Variants in TBXAS1 observed in about 807,000 individuals in gnomAD.
The protein encoded by TBXAS1 is thromboxane-A synthase.
In TBXAS1, 48 loss-of-function variants were observed where a neutral mutation model predicts 60.7. The ratio of observed to expected loss-of-function variants is 0.79; its 90% CI spans 0.63 to 1.01. The LOEUF is 1.01. TBXAS1 is among the 50% of genes least tolerant of loss of function. The pLI, the probability that TBXAS1 is intolerant of heterozygous loss-of-function variation, is 0.00. For missense variants in TBXAS1, 685 were observed against 686.3 expected, an observed-to-expected ratio of 1.00 and a Z score of 0.02; for synonymous variants, 287 against 269.7, an observed-to-expected ratio of 1.06 and a Z score of -0.63.
At chr7:139,984,636 G>GAAAGAAAGAAAGAAACAAAGAAAGAA (rs1554503288) in intron 9 of TBXAS1, among the ~76,000 whole-genome samples, 1 of 70,912 alleles carries the variant, frequency 1.4e-5, no homozygotes, top group African/African-American at 5.4e-5. Context: ...GAGAGAGAGA[G>GAAAGAAAGAAAGAAACAAAGAAAGAA]AGAGAGAAAG....
intron 3 of TBXAS1, among the ~76,000 whole-genome samples, chr7:139,889,812 A>G (rs966828190): frequency 3.9e-5 from 6 of 152,190 alleles, no homozygotes; most frequent in African/African-American, 1.4e-4. Context: ...CCACCTTCTA[A>G]TACTGTCATC....
chr7:139,922,454 C>A (rs528965672), intron 4 of TBXAS1, among the ~76,000 whole-genome samples: 1 of 152,040 alleles, frequency 6.6e-6, no homozygotes. Flanking sequence ...TTTTTAACAA[C>A]GTGCCTGTTG....
intron 4 of TBXAS1, among the ~76,000 whole-genome samples, chr7:139,818,688 G>A (rs1259424501): frequency 6.6e-6 from 1 of 152,188 alleles, no homozygotes; most frequent in Non-Finnish European, 1.5e-5. Flanking sequence ...CAGACAGAGT[G>A]AATATTTCTG....
rs902725594 is a variant in TBXAS1 at position 140,013,084 on chromosome 7, C to T, written c.1227-2639C>T. Among the ~76,000 whole-genome samples the T allele has an allele frequency of 1.7e-5, 2 of 114,574 alleles. No individual in the cohort carries two copies. Among genetic ancestry groups the T allele is most frequent in the Non-Finnish European group, 4.0e-5 (2 of 50,428 alleles). 75.2% of individuals were successfully genotyped at this position (114,574 alleles called of 152,430 possible). ...TGGGCAACAGAGCGAGACTCCATCT[C>T]AAAAAAAAAAAAAAAAAGAAATTGG... On this transcript the variant is annotated intron_variant, in intron 10 of 12. Coordinates refer to ENST00000448866, the MANE Select transcript of TBXAS1 (RefSeq NM_001061.7). The surrounding 1 kb of genome is among the most constrained non-coding windows in gnomAD (Gnocchi z 4.2).
At chr7:139,992,702 G>C (rs1039401675) in intron 9 of TBXAS1, among the ~76,000 whole-genome samples, 2 of 152,246 alleles carry the variant, frequency 1.3e-5, no homozygotes, top group African/African-American at 2.4e-5. Flanking sequence ...TCCCTGCAAA[G>C]GGAGCTGCCC....
At chr7:139,955,862 A>C (rs1049281837) in intron 7 of TBXAS1, among the ~76,000 whole-genome samples, 1 of 152,198 alleles carries the variant, frequency 6.6e-6, no homozygotes, top group Admixed American at 6.5e-5. Flanking sequence ...GTTGGGACGC[A>C]CCGTGTTAGG....
intron 4 of TBXAS1, among the ~76,000 whole-genome samples, chr7:139,930,540 G>A (rs1467733313): frequency 6.6e-6 from 1 of 152,208 alleles, no homozygotes; most frequent in East Asian, 1.9e-4. Flanking sequence ...TGACTCTAGA[G>A]GCAATGTTCT....
chr7:139,957,707 T>C lies in TBXAS1; in HGVS notation c.762T>C (p.Phe254=). Residue 254 remains phenylalanine (F), a synonymous_variant, in exon 8 of 13, where the codon TTT becomes TTC. Transcript: ENST00000448866. ...AGAACCGAGACGAACTGAATGGCTTTTTTAACAAACTCATTAGGAATGTGA... is the reference window on the plus strand; with the variant it reads ...AGAACCGAGACGAACTGAATGGCTTCTTTAACAAACTCATTAGGAATGTGA... ...PNKNRDELNG[F]FNKLIRNVIA... 1 of 1,614,178 alleles carries C rather than the reference T, an allele frequency of 6.2e-7. No individual in the cohort carries two copies. The highest frequency in any genetic ancestry group is 2.2e-5 in the East Asian group (1 of 44,884).
chr7:139,892,225 G>A (rs1052953498), intron 3 of TBXAS1, among the ~76,000 whole-genome samples: 5 of 152,168 alleles, frequency 3.3e-5, no homozygotes, highest in African/African-American at 1.2e-4. Context: ...CCAGATCTGG[G>A]TTCTGGTCTT....
upstream of TBXAS1, chr7:139,829,047 G>A (rs1798534933): frequency 2.5e-6 from 1 of 402,164 alleles, no homozygotes; most frequent in African/African-American, 2.1e-5. Context: ...TCCTCTCAGA[G>A]TACAAGTCCG....
chr7:139,927,828 G>A (rs1295273260), intron 4 of TBXAS1, among the ~76,000 whole-genome samples: 1 of 152,054 alleles, frequency 6.6e-6, no homozygotes, highest in Non-Finnish European at 1.5e-5. Context: ...CCCATGTGTA[G>A]AAATAAATTT....
At chr7:139,950,658 T>C (rs369431466) in intron 5 of TBXAS1, among the ~76,000 whole-genome samples, 277 of 122,726 alleles carry the variant, frequency 2.3e-3, no homozygotes, top group South Asian at 6.6e-3. Context: ...TCTACAGGAC[T>C]CCCTCACCCT....
At chr7:140,008,591 G>A (rs1305893747) in intron 10 of TBXAS1, among the ~76,000 whole-genome samples, 1 of 151,874 alleles carries the variant, frequency 6.6e-6, no homozygotes, top group Non-Finnish European at 1.5e-5. Context: ...GGGATTACAG[G>A]TGCCCGCCAC....
At chr7:139,908,442 T>C (rs1174470254) in intron 3 of TBXAS1, among the ~76,000 whole-genome samples, 2 of 152,158 alleles carry the variant, frequency 1.3e-5, no homozygotes, top group Non-Finnish European at 2.9e-5. Context: ...TTTTTGTGGA[T>C]AACTTGAACA....
In TBXAS1 at chr7:139,881,231, C is replaced by G. The variant is rs140004102; in HGVS notation, c.236+5594C>G. Among the ~76,000 whole-genome samples the G allele has an allele frequency of 1.3e-3, 198 of 152,232 alleles. 1 individual carries two copies. The East Asian group carries it at 0.026, about 20-fold the overall frequency. ...TATCATTGTCTTTGACTTTGCTTATCATATATTTCTTCCAATCAGAAAACA... is the reference window on the plus strand; with the variant it reads ...TATCATTGTCTTTGACTTTGCTTATGATATATTTCTTCCAATCAGAAAACA... On this transcript the variant is annotated intron_variant, in intron 3 of 12. Coordinates refer to ENST00000448866, the MANE Select transcript of TBXAS1 (RefSeq NM_001061.7).
intron 3 of TBXAS1, among the ~76,000 whole-genome samples, chr7:139,908,675 A>G (rs1584825812): frequency 1.3e-5 from 2 of 152,138 alleles, no homozygotes; most frequent in African/African-American, 2.4e-5. Flanking sequence ...ACCACATCAT[A>G]TGGTGGTGAA....
chr7:139,840,259 G>A (rs1045781622), intron 1 of TBXAS1, among the ~76,000 whole-genome samples: 1 of 152,154 alleles, frequency 6.6e-6, no homozygotes, highest in African/African-American at 2.4e-5. Flanking sequence ...GAGCCAAGAT[G>A]AGAAATCTGA....
chr7:139,801,136 C>A (rs557096567), intron 4 of TBXAS1, among the ~76,000 whole-genome samples: 54 of 152,312 alleles, frequency 3.5e-4, no homozygotes, highest in African/African-American at 1.2e-3. Flanking sequence ...TCTTCCTAAT[C>A]AAGGACAGAC....
At chr7:139,846,094 G>A (rs1461418393) in intron 1 of TBXAS1, among the ~76,000 whole-genome samples, 5 of 152,056 alleles carry the variant, frequency 3.3e-5, no homozygotes, top group African/African-American at 1.2e-4. Flanking sequence ...GGCTAGGCTG[G>A]GCTGTGGGTT....
Sources: gnomAD v4.1 joint callset for allele counts (sites outside exome capture counted in the v4.1 genomes callset) on GRCh38, gnomAD v4.1.1 for gene constraint, Gnocchi (gnomAD v3.1) non-coding constraint, MANE v1.5 for transcripts, NCBI Gene and HGNC (gene_info 2026-07-23, HGNC 2026-07-21) for gene names.